Variants in OR2L13 observed in about 807,000 individuals in gnomAD.
OR2L13 encodes olfactory receptor 2L13.
Under a neutral mutation model 15.3 loss-of-function variants are expected in OR2L13, and 14 were observed. The ratio of observed to expected loss-of-function variants is 0.91; its 90% CI spans 0.60 to 1.43. The LOEUF is 1.43. OR2L13 is among the 40% of genes most tolerant of loss of function. The pLI is 0.00. For missense variants in OR2L13, 367 were observed against 387.9 expected, an observed-to-expected ratio of 0.95 and a Z score of 0.45; for synonymous variants, 152 against 142.9, an observed-to-expected ratio of 1.06 and a Z score of -0.45.
chr1:247,958,219 C>A, the OR2L13 span, among the ~76,000 whole-genome samples: 2 of 152,130 alleles, frequency 1.3e-5, no homozygotes, highest in African/African-American at 4.8e-5. Context: ...CATTCAGGAG[C>A]AGGATGTTCA....
At chr1:247,967,378 G>A in the OR2L13 span, among the ~76,000 whole-genome samples, 5 of 151,714 alleles carry the variant, frequency 3.3e-5, no homozygotes, top group Non-Finnish European at 7.4e-5. Context: ...ACAGGCACCC[G>A]CCACCACACC....
the OR2L13 span, chr1:248,084,500 C>T: frequency 6.2e-7 from 1 of 1,612,766 alleles, no homozygotes; most frequent in Non-Finnish European, 8.5e-7. Flanking sequence ...GAGGTCAAAA[C>T]GATACTCAGA....
the OR2L13 span, among the ~76,000 whole-genome samples, chr1:248,012,488 G>A: frequency 6.6e-6 from 1 of 152,070 alleles, no homozygotes; most frequent in Non-Finnish European, 1.5e-5. Context: ...ACCTCTACCT[G>A]CATCTAATAA....
the OR2L13 span, among the ~76,000 whole-genome samples, chr1:247,938,576 T>C: frequency 1.3e-5 from 2 of 152,180 alleles, no homozygotes; most frequent in African/African-American, 4.8e-5. Context: ...ATTTTTTTCC[T>C]GTTGGGGATA....
the OR2L13 span, among the ~76,000 whole-genome samples, chr1:248,044,441 G>A: frequency 3.9e-5 from 6 of 152,114 alleles, no homozygotes; most frequent in Non-Finnish European, 7.4e-5. Flanking sequence ...GTCTCATGAC[G>A]TCACCACTCA....
At chr1:248,068,673 T>A in the OR2L13 span, among the ~76,000 whole-genome samples, 2 of 152,012 alleles carry the variant, frequency 1.3e-5, no homozygotes, top group Admixed American at 1.3e-4. Context: ...ATCAAACTAC[T>A]CCGAGCTACA....
chr1:248,049,738 AT>A, the OR2L13 span, among the ~76,000 whole-genome samples: 1 of 151,994 alleles, frequency 6.6e-6, no homozygotes, highest in African/African-American at 2.4e-5. Flanking sequence ...TGTTTTAATA[AT>A]TTTTTTCTAT....
At chr1:248,006,562 T>A in the OR2L13 span, among the ~76,000 whole-genome samples, 1 of 151,938 alleles carries the variant, frequency 6.6e-6, no homozygotes, top group Non-Finnish European at 1.5e-5. Flanking sequence ...GTGAATGAGA[T>A]CATGCAGCCT....
At chr1:248,022,861 A>G in the OR2L13 span, 180 of 1,609,600 alleles carry the variant, frequency 1.1e-4, no homozygotes, top group Middle Eastern at 1.8e-3. Flanking sequence ...CGAGTGATTC[A>G]GAATATCTTC....
the OR2L13 span, chr1:248,030,358 T>C: frequency 1.3e-5 from 2 of 152,194 alleles, no homozygotes. Flanking sequence ...CTAATGACTG[T>C]ACTTTCTCTA....
the OR2L13 span, among the ~76,000 whole-genome samples, chr1:247,945,208 C>G: frequency 3.3e-5 from 5 of 152,106 alleles, no homozygotes; most frequent in African/African-American, 1.2e-4. Flanking sequence ...TAAGTTGTCT[C>G]TTTGTTTTCA....
chr1:248,027,447 C>G, the OR2L13 span, among the ~76,000 whole-genome samples: 9 of 152,300 alleles, frequency 5.9e-5, no homozygotes, highest in East Asian at 1.7e-3. Context: ...GTGACCCACA[C>G]CCTATTTGTA....
At chr1:247,974,683 G>A in the OR2L13 span, 1 of 225,408 alleles carries the variant, frequency 4.4e-6, no homozygotes, top group Non-Finnish European at 1.0e-5. Flanking sequence ...CTGTGGATAA[G>A]GAGGAACTAA....
chr1:247,977,782 G>A, the OR2L13 span, among the ~76,000 whole-genome samples: 1,030 of 152,048 alleles, frequency 6.8e-3, 7 homozygotes, highest in African/African-American at 0.023. Flanking sequence ...AATGTTTTCC[G>A]GATCCTGAAT....
At chr1:248,057,364 G>A in the OR2L13 span, among the ~76,000 whole-genome samples, 2 of 152,070 alleles carry the variant, frequency 1.3e-5, no homozygotes, top group Non-Finnish European at 2.9e-5. Flanking sequence ...AATTTTTGTC[G>A]AATTGAACTC....
At chr1:247,952,455 G>T in the OR2L13 span, among the ~76,000 whole-genome samples, 1 of 152,112 alleles carries the variant, frequency 6.6e-6, no homozygotes, top group Admixed American at 6.5e-5. Context: ...TTCTAAAGGA[G>T]GCTCGAGGGA....
At chr1:247,948,214 TAAAAA>T in the OR2L13 span, among the ~76,000 whole-genome samples, 1 of 150,776 alleles carries the variant, frequency 6.6e-6, no homozygotes, top group Non-Finnish European at 1.5e-5. Flanking sequence ...CCCTGTCACT[TAAAAA>T]AAAAGAAAAA....
the OR2L13 span, chr1:248,042,316 G>C: frequency 7.1e-6 from 1 of 141,144 alleles, no homozygotes; most frequent in African/African-American, 2.6e-5. Context: ...GAGAACACAT[G>C]GACACAGGAA....
At chr1:247,979,950 A>G in the OR2L13 span, among the ~76,000 whole-genome samples, 1 of 152,328 alleles carries the variant, frequency 6.6e-6, no homozygotes, top group Middle Eastern at 3.4e-3. Flanking sequence ...TATATAACAT[A>G]CACTTGTATA....
Sources: allele counts gnomAD v4.1 joint callset (sites outside exome capture counted in the v4.1 genomes callset), GRCh38; gene constraint gnomAD v4.1.1; transcripts MANE v1.5; gene names NCBI Gene and HGNC (gene_info 2026-07-23, HGNC 2026-07-21).